TSEN15: variants seen among roughly 807,000 people sequenced by gnomAD.
TSEN15 encodes the protein tRNA-splicing endonuclease subunit Sen15.
TSEN15 carries 10 observed loss-of-function variants against 20.5 expected under a neutral mutation model. The ratio of observed to expected loss-of-function variants is 0.49; its 90% CI spans 0.30 to 0.83. The LOEUF is 0.83. TSEN15 is among the 40% of genes least tolerant of loss of function. The pLI, the probability that TSEN15 is intolerant of heterozygous loss-of-function variation, is 0.06. For synonymous variants in TSEN15, 72 were observed against 80.1 expected (o/e 0.90, Z 0.54); for missense variants, 180 against 218.6 (o/e 0.82, Z 1.11).
chr1:184,071,861 A>G (rs1034241458), intron 3 of TSEN15, among the ~76,000 whole-genome samples: 1 of 152,144 alleles, frequency 6.6e-6, no homozygotes. Context: ...AGATCCAACT[A>G]TATGCTATCT....
Position 184,095,869 on chromosome 1 carries a change from T to C in TSEN15, c.*65T>C, listed in dbSNP as rs533309852. The C allele has an allele frequency of 3.5e-5, 14 of 397,676 alleles. 1 individual carries two copies. The highest frequency in any genetic ancestry group is 6.2e-4 in the Middle Eastern group (1 of 1,602). The allele number at this position is 397,676 out of a possible 1,614,324, so 24.6% of individuals were successfully genotyped here. A position where few individuals can be genotyped will look rare whatever the true frequency, so the allele number is the denominator to read the frequency against. ...CCACCTGGTCTGTGGTATTTTGTTA[T>C]GACAGGCCTAGCAAACTAACGTAAA... On this transcript the variant is annotated 3_prime_UTR_variant, in exon 4 of 4. Transcript: ENST00000643231.
chr1:184,072,442 G>C, intron 4 of TSEN15, 144 bp downstream of exon 4: 1 of 781,934 alleles, frequency 1.3e-6, no homozygotes, highest in Non-Finnish European at 1.9e-6. Context: ...ATTTTCAGAC[G>C]TCAGAAAATT....
At chr1:184,083,704 T>C (rs974928619) in intron 3 of TSEN15, among the ~76,000 whole-genome samples, 1 of 152,134 alleles carries the variant, frequency 6.6e-6, no homozygotes, top group Non-Finnish European at 1.5e-5. Flanking sequence ...AGAATGTTGC[T>C]TTTTTCTGGA....
At chr1:184,088,517 T>A (rs1651303995) in intron 3 of TSEN15, among the ~76,000 whole-genome samples, 1 of 151,948 alleles carries the variant, frequency 6.6e-6, no homozygotes, top group Non-Finnish European at 1.5e-5. Flanking sequence ...GGGATTTGAC[T>A]ATTTCACATG....
downstream of TSEN15, among the ~76,000 whole-genome samples, chr1:184,078,972 A>C (rs1396432255): frequency 6.6e-6 from 1 of 152,002 alleles, no homozygotes; most frequent in Non-Finnish European, 1.5e-5. Context: ...TTCCTGCCAA[A>C]GTTTGTAGTT....
At chr1:184,094,730 C>A in intron 3 of TSEN15, 1 of 312,242 alleles carries the variant, frequency 3.2e-6, no homozygotes, top group Non-Finnish European at 5.8e-6. Context: ...AACCCACCTA[C>A]CATCAAATGA....
At chr1:184,085,939 G>T (rs1410988138) in intron 3 of TSEN15, among the ~76,000 whole-genome samples, 1 of 151,994 alleles carries the variant, frequency 6.6e-6, no homozygotes. Context: ...TGAGAGGTGA[G>T]GTCATTGCAT....
chr1:184,075,766 T>G (rs1557887688), downstream of TSEN15, among the ~76,000 whole-genome samples: 1 of 152,000 alleles, frequency 6.6e-6, no homozygotes, highest in Non-Finnish European at 1.5e-5. Flanking sequence ...ATCCCCTTTT[T>G]CTTTCTGGCA....
chr1:184,088,000 C>T (rs1490951600), intron 3 of TSEN15, among the ~76,000 whole-genome samples: 3 of 152,132 alleles, frequency 2.0e-5, no homozygotes, highest in African/African-American at 4.8e-5. Context: ...GGTGGAACCA[C>T]CACAAGGCTT....
chr1:184,078,588 G>A (rs1460446481), downstream of TSEN15, among the ~76,000 whole-genome samples: 2 of 152,046 alleles, frequency 1.3e-5, no homozygotes, highest in Non-Finnish European at 2.9e-5. Context: ...GAAGCTCAGT[G>A]GAATACTAAG....
At chr1:184,064,080 C>T (rs1010333815) in intron 3 of TSEN15, among the ~76,000 whole-genome samples, 20 of 151,928 alleles carry the variant, frequency 1.3e-4, no homozygotes, top group Non-Finnish European at 2.4e-4. Flanking sequence ...ATATTATGGA[C>T]TTTGCCTACA....
At chr1:184,062,505 G>T (rs1650495031) in intron 3 of TSEN15, among the ~76,000 whole-genome samples, 1 of 152,068 alleles carries the variant, frequency 6.6e-6, no homozygotes, top group African/African-American at 2.4e-5. Flanking sequence ...TCAAATTTAT[G>T]TTCAGATAGC....
At chr1:184,092,581 C>T (rs573336259) in intron 3 of TSEN15, among the ~76,000 whole-genome samples, 17 of 152,304 alleles carry the variant, frequency 1.1e-4, no homozygotes, top group African/African-American at 3.1e-4. Flanking sequence ...CCCTGAAACC[C>T]ATGAATGAAT....
At chr1:184,068,463 T>G (rs563339181) in intron 3 of TSEN15, among the ~76,000 whole-genome samples, 58 of 152,324 alleles carry the variant, frequency 3.8e-4, no homozygotes, top group Middle Eastern at 6.8e-3. Context: ...AATCTGCTGC[T>G]GGTGAAACCC....
Position 184,074,009 on chromosome 1 carries a change from C to G in TSEN15, c.*1162C>G, listed in dbSNP as rs75789348. 6.6e-6 allele frequency: 1 copy of G among 151,834 alleles called. No individual in the cohort carries two copies. Among genetic ancestry groups the G allele is most frequent in the African/African-American group, 2.4e-5 (1 of 41,304 alleles). The allele number at this position is 151,834 out of a possible 1,614,324, so 9.4% of individuals were successfully genotyped here. A position where few individuals can be genotyped will look rare whatever the true frequency, so the allele number is the denominator to read the frequency against. ...ATTATTAAAAACATGAAAATATTAC[C>G]TTAAGTAAAAATTGCAAGACGGAAA... On this transcript the variant is annotated 3_prime_UTR_variant, in exon 5 of 5. Coordinates refer to ENST00000645668, the MANE Select transcript of TSEN15 (RefSeq NM_052965.4).
chr1:184,087,866 C>G (rs1416955028), intron 3 of TSEN15, among the ~76,000 whole-genome samples: 1 of 152,052 alleles, frequency 6.6e-6, no homozygotes, highest in Non-Finnish European at 1.5e-5. Context: ...GCGGGGATAA[C>G]AAGGTAAGAT....
intron 3 of TSEN15, among the ~76,000 whole-genome samples, chr1:184,091,856 G>A (rs1221168764): frequency 1.3e-5 from 2 of 152,192 alleles, no homozygotes; most frequent in Non-Finnish European, 2.9e-5. Flanking sequence ...TAAAATTCTG[G>A]GTTTTGTTTA....
intron 3 of TSEN15, among the ~76,000 whole-genome samples, chr1:184,056,548 A>T (rs1184016157): frequency 6.6e-6 from 1 of 152,076 alleles, no homozygotes; most frequent in Non-Finnish European, 1.5e-5. Context: ...GAATATAATC[A>T]TATTTATCCA....
At chr1:184,051,929 C>A in intron 1 of TSEN15, 39 bp downstream of exon 1, 1 of 1,482,974 alleles carries the variant, frequency 6.7e-7, no homozygotes, top group Non-Finnish European at 9.0e-7. Context: ...CGTCCAGGCC[C>A]CTAACCCAGG....
Sources: allele counts gnomAD v4.1 joint callset (sites outside exome capture counted in the v4.1 genomes callset), GRCh38; gene constraint gnomAD v4.1.1; transcripts MANE v1.5; gene names NCBI Gene and HGNC (gene_info 2026-07-23, HGNC 2026-07-21).